The following DOCK3 variants were observed in gnomAD, a reference collection of about 807,000 sequenced individuals.
DOCK3 encodes the protein dedicator of cytokinesis 3, also known as dedicator of cytokinesis protein 3.
DOCK3 carries 60 observed loss-of-function variants against 265.6 expected under a neutral mutation model. The ratio of observed to expected loss-of-function variants is 0.23; its 90% CI spans 0.18 to 0.28. The LOEUF is 0.28. Among genes scored for constraint, DOCK3 ranks in the 10% least tolerant of loss-of-function variants. DOCK3 has a pLI of 1.00. For synonymous variants in DOCK3, 881 were observed against 938.0 expected (o/e 0.94, Z 1.11); for missense variants, 1,981 against 2,594.3 (o/e 0.76, Z 5.14).
chr3:51,156,526 T>C (rs1291405453), intron 10 of DOCK3, among the ~76,000 whole-genome samples: 1 of 152,244 alleles, frequency 6.6e-6, no homozygotes, highest in Non-Finnish European at 1.5e-5. Flanking sequence ...ACAAACCTTA[T>C]GGTAACTGTG....
chr3:51,266,491 A>G (rs1286132186), intron 23 of DOCK3, among the ~76,000 whole-genome samples: 3 of 152,210 alleles, frequency 2.0e-5, no homozygotes, highest in African/African-American at 7.2e-5. Context: ...ATATAGACGA[A>G]TGGAACAGAA....
At chr3:51,271,881 G>GC (rs1463250288) in intron 24 of DOCK3, among the ~76,000 whole-genome samples, 1 of 1,482 alleles carries the variant, frequency 6.7e-4, no homozygotes, top group East Asian at 0.056. Flanking sequence ...GGCCCTGAAA[G>GC]GGGCCCTGAG....
At chr3:51,327,810 G>T (rs2084243906) in intron 32 of DOCK3, among the ~76,000 whole-genome samples, 1 of 151,576 alleles carries the variant, frequency 6.6e-6, no homozygotes, top group African/African-American at 2.4e-5. Context: ...CTCCCAAGTA[G>T]CTGGGACTAT....
chr3:51,312,918 C>T lies in DOCK3; in HGVS notation c.3253+16C>T, dbSNP rs993317554. 1.1e-5 allele frequency: 18 copies of T among 1,591,982 alleles called. No homozygotes were observed. The highest frequency in any genetic ancestry group is 1.4e-5 in the Non-Finnish European group (16 of 1,167,940). ...CAGAATTTGGGTAGGTTTTTTCTCCCTATTCTTCCCTTCTATATATTGCAT... is the reference window on the plus strand; with the variant it reads ...CAGAATTTGGGTAGGTTTTTTCTCCTTATTCTTCCCTTCTATATATTGCAT... On this transcript the variant is annotated intron_variant, in intron 31 of 52. Transcript: ENST00000266037.
intron 22 of DOCK3, among the ~76,000 whole-genome samples, chr3:51,258,623 C>A (rs1288494833): frequency 2.6e-5 from 4 of 152,084 alleles, no homozygotes; most frequent in African/African-American, 9.7e-5. Context: ...CGTGCCTCAG[C>A]CTCCCGAGTA....
At chr3:50,820,142 C>T (rs2044321572) in intron 2 of DOCK3, among the ~76,000 whole-genome samples, 1 of 152,186 alleles carries the variant, frequency 6.6e-6, no homozygotes, top group South Asian at 2.1e-4. Context: ...ACTCAGGCAG[C>T]CCATGCCGCT....
chr3:50,987,981 TAGG>T (rs1025303014), intron 5 of DOCK3, among the ~76,000 whole-genome samples: 2 of 152,108 alleles, frequency 1.3e-5, no homozygotes, highest in Admixed American at 6.5e-5. Flanking sequence ...AGCTGAAAAG[TAGG>T]AGGTTAGACC....
At chr3:51,355,615 G>C (rs4974096) in intron 41 of DOCK3, among the ~76,000 whole-genome samples, 1 of 152,248 alleles carries the variant, frequency 6.6e-6, no homozygotes, top group African/African-American at 2.4e-5. Context: ...CATGACTATG[G>C]CAAGCTTGTT....
chr3:51,040,019 C>A (rs995819007), intron 5 of DOCK3, among the ~76,000 whole-genome samples: 91 of 151,350 alleles, frequency 6.0e-4, no homozygotes, highest in African/African-American at 2.2e-3. Context: ...TGTCTTTAAA[C>A]CATCTGGGAC....
At chr3:50,999,174 C>G (rs2078386281) in intron 5 of DOCK3, among the ~76,000 whole-genome samples, 1 of 152,170 alleles carries the variant, frequency 6.6e-6, no homozygotes, top group African/African-American at 2.4e-5. Context: ...CAGAAAATGA[C>G]AACCAAAATG....
chr3:50,899,987 G>T (rs775893646), intron 4 of DOCK3, among the ~76,000 whole-genome samples: 6 of 151,988 alleles, frequency 3.9e-5, no homozygotes, highest in Non-Finnish European at 8.8e-5. Flanking sequence ...CTTTGTGGTG[G>T]TCTCTGTATT....
rs1305038848 is a variant in DOCK3 at position 51,362,562 on chromosome 3, C to T, written c.5181C>T (p.Val1727=). 6.2e-7 allele frequency: 1 copy of T among 1,614,018 alleles called. No individual in the cohort carries two copies. Among genetic ancestry groups the T allele is most frequent in the Non-Finnish European group, 8.5e-7 (1 of 1,179,902 alleles). The change falls in exon 49 of 53, where the codon GTC becomes GTT. Residue 1727 remains valine, a synonymous_variant. Transcript: ENST00000266037. ...CCAACCCCAGGTACCAAGGCTCAGTCACCAACGTCTCTGTTCTGTCCTCGT... is the reference window on the plus strand; with the variant it reads ...CCAACCCCAGGTACCAAGGCTCAGTTACCAACGTCTCTGTTCTGTCCTCGT... The part of the protein sequence containing the change: ...AYPNPRYQGS[V]TNVSVLSSSQ...
chr3:50,878,797 G>A (rs1016274001), intron 3 of DOCK3, among the ~76,000 whole-genome samples: 4 of 152,048 alleles, frequency 2.6e-5, no homozygotes, highest in African/African-American at 9.7e-5. Flanking sequence ...TATACTCCTC[G>A]AGAAGAGCAA....
chr3:51,082,750 T>C (rs1462559710), intron 7 of DOCK3, among the ~76,000 whole-genome samples: 1 of 152,146 alleles, frequency 6.6e-6, no homozygotes, highest in Admixed American at 6.5e-5. Flanking sequence ...TTCCAGGACC[T>C]GGGTATTGAC....
intron 1 of DOCK3, among the ~76,000 whole-genome samples, chr3:50,769,672 G>A (rs1240522248): frequency 6.6e-6 from 1 of 151,958 alleles, no homozygotes; most frequent in Non-Finnish European, 1.5e-5. Context: ...TTAGCCGGGT[G>A]TGTGTGGTGG....
At chr3:50,868,373 G>A (rs2047248182) in intron 3 of DOCK3, among the ~76,000 whole-genome samples, 1 of 151,932 alleles carries the variant, frequency 6.6e-6, no homozygotes, top group Non-Finnish European at 1.5e-5. Flanking sequence ...TGCCCGGCCT[G>A]CTTTTGTTTT....
intron 4 of DOCK3, among the ~76,000 whole-genome samples, chr3:50,911,715 A>G (rs2049861609): frequency 6.6e-6 from 1 of 151,992 alleles, no homozygotes; most frequent in South Asian, 2.1e-4. Flanking sequence ...AGAGAGAGAG[A>G]GAGAGAGAAA....
At chr3:51,004,714 GTTTTT>G (rs56348225) in intron 5 of DOCK3, among the ~76,000 whole-genome samples, 1 of 118,712 alleles carries the variant, frequency 8.4e-6, no homozygotes. Context: ...AGAGATTTAA[GTTTTT>G]TTTTTTTTTT....
At chr3:50,994,804 G>A (rs1312267621) in intron 5 of DOCK3, among the ~76,000 whole-genome samples, 1 of 152,074 alleles carries the variant, frequency 6.6e-6, no homozygotes, top group African/African-American at 2.4e-5. Flanking sequence ...TGATGTGAGA[G>A]TTCAATTAGA....
Sources: allele counts gnomAD v4.1 joint callset (sites outside exome capture counted in the v4.1 genomes callset), GRCh38; gene constraint gnomAD v4.1.1; transcripts MANE v1.5; gene names NCBI Gene and HGNC (gene_info 2026-07-23, HGNC 2026-07-21).